Variants in CAPN2 observed in about 807,000 individuals in gnomAD.
The protein encoded by CAPN2 is calpain 2.
Under a neutral mutation model 102.3 loss-of-function variants are expected in CAPN2, and 92 were observed. The observed-to-expected ratio is 0.90, with a 90% CI of 0.76 to 1.07. The LOEUF (loss-of-function observed/expected upper bound fraction) is 1.07. Ranked by LOEUF, CAPN2 falls within the 50% of genes least tolerant of loss-of-function variation. The pLI is 0.00. For missense variants in CAPN2, 800 were observed against 909.4 expected, an observed-to-expected ratio of 0.88 and a Z score of 1.55; for synonymous variants, 340 against 355.4, an observed-to-expected ratio of 0.96 and a Z score of 0.49.
chr1:223,740,160 A>G (rs1660577087), intron 2 of CAPN2, among the ~76,000 whole-genome samples: 1 of 152,076 alleles, frequency 6.6e-6, no homozygotes, highest in African/African-American at 2.4e-5. Context: ...GTTGGGAGGA[A>G]CCCTCTTGTG....
chr1:223,712,464 G>T, upstream of CAPN2: 1 of 1,145,816 alleles, frequency 8.7e-7, no homozygotes, highest in Non-Finnish European at 1.1e-6. Flanking sequence ...AGCAGGCCGG[G>T]AGCGGCTGAG....
intron 2 of CAPN2, among the ~76,000 whole-genome samples, chr1:223,743,540 G>A (rs1393444646): frequency 6.6e-6 from 1 of 152,152 alleles, no homozygotes; most frequent in Non-Finnish European, 1.5e-5. Context: ...TGCCCAGGCT[G>A]GAGTGCAGTG....
At chr1:223,770,614 T>C in intron 18 of CAPN2, 89 bp downstream of exon 18, 1 of 865,190 alleles carries the variant, frequency 1.2e-6, no homozygotes, top group Non-Finnish European at 1.9e-6. Context: ...ACACAAGATT[T>C]GGTAAAGCTA....
rs760291784 is a variant in CAPN2, at chr1:223,712,756, G to A, written c.116G>A (p.Cys39Tyr). Residue 39 changes from cysteine (C) to tyrosine (Y), a missense_variant, in exon 1 of 21, where the codon TGC becomes TAC. Transcript: ENST00000295006. ...NQDYEALRNE[C>Y]LEAGTLFQDP... Reference sequence around the variant, plus strand: ...GACTACGAGGCGCTGCGGAACGAGTGCCTGGAGGCCGGGACGCTCTTCCAG... The same window carrying A: ...GACTACGAGGCGCTGCGGAACGAGTACCTGGAGGCCGGGACGCTCTTCCAG... 5.1e-6 allele frequency: 8 copies of A among 1,582,254 alleles called. 1 individual carries two copies. In the South Asian group the frequency reaches 9.2e-5, roughly 18 times the overall value.
chr1:223,760,498 C>T (rs1052432707), intron 12 of CAPN2, among the ~76,000 whole-genome samples: 16 of 152,200 alleles, frequency 1.1e-4, no homozygotes, highest in African/African-American at 3.9e-4. Flanking sequence ...ACGGCTGTAG[C>T]CCCCCTGCCA....
rs1372281429 is a variant in CAPN2, at chr1:223,737,730, C to A, written c.308-6370C>A. 8.3e-4 allele frequency among the ~76,000 whole-genome samples: 76 copies of A among 91,990 alleles called. 1 individual carries two copies. Among genetic ancestry groups the A allele is most frequent in the Admixed American group, 1.3e-3 (10 of 7,724 alleles). The allele number at this position is 91,990 out of a possible 152,430, so 60.3% of individuals were successfully genotyped here. On this transcript the variant is annotated intron_variant, in intron 2 of 20. Transcript: ENST00000295006. ...GGCGGGGGGTGGGGGGGAGAGAATACAATAACACCATGTACTGTAAAGAAA... is the reference window on the plus strand; with the variant it reads ...GGCGGGGGGTGGGGGGGAGAGAATAAAATAACACCATGTACTGTAAAGAAA...
chr1:223,746,133 AG>A (rs1660744312), intron 4 of CAPN2, among the ~76,000 whole-genome samples: 1 of 152,182 alleles, frequency 6.6e-6, no homozygotes, highest in African/African-American at 2.4e-5. Flanking sequence ...TAGAGCAGCA[AG>A]TGGATTTCTG....
intron 15 of CAPN2, among the ~76,000 whole-genome samples, chr1:223,765,690 G>A (rs115133827): frequency 0.013 from 1,845 of 142,260 alleles, 38 homozygotes; most frequent in African/African-American, 0.048. Flanking sequence ...ACAGCTGCTG[G>A]GCCAGAGCCT....
intron 7 of CAPN2, 107 bp from the exon 8 acceptor site, chr1:223,751,889 GA>G: frequency 1.4e-6 from 1 of 713,208 alleles, no homozygotes; most frequent in Non-Finnish European, 2.4e-6. Flanking sequence ...CCCCTTTCTG[GA>G]GCCTGAGCCC....
At chr1:223,735,461 G>A in intron 2 of CAPN2, among the ~76,000 whole-genome samples, 1 of 151,364 alleles carries the variant, frequency 6.6e-6, no homozygotes, top group East Asian at 2.0e-4. Flanking sequence ...CCAGGAAGCA[G>A]AGGTTGCAGT....
intron 12 of CAPN2, among the ~76,000 whole-genome samples, chr1:223,760,182 A>G (rs751114038): frequency 2.0e-5 from 3 of 152,182 alleles, no homozygotes; most frequent in Non-Finnish European, 4.4e-5. Context: ...TCCAGAACTG[A>G]TGGGAGGTAG....
intron 1 of CAPN2, among the ~76,000 whole-genome samples, chr1:223,714,621 T>TAAAAAAAAAAA (rs373544472): frequency 3.1e-5 from 4 of 130,966 alleles, no homozygotes; most frequent in African/African-American, 8.8e-5. Flanking sequence ...TATAAAAAAG[T>TAAAAAAAAAAA]AAAAAAAAAA....
At chr1:223,720,706 A>G (rs1660028493) in intron 2 of CAPN2, among the ~76,000 whole-genome samples, 1 of 152,058 alleles carries the variant, frequency 6.6e-6, no homozygotes. Flanking sequence ...TTTTTTCACT[A>G]CAGTATTTCA....
intron 5 of CAPN2, among the ~76,000 whole-genome samples, chr1:223,748,388 G>A (rs564854349): frequency 5.3e-5 from 8 of 152,210 alleles, no homozygotes; most frequent in African/African-American, 1.7e-4. Context: ...AGCAGAACAC[G>A]TTGAGGCAGA....
At position 223,775,187 on chromosome 1, in the gene CAPN2, TG is replaced by T. The variant is rs757052782; in HGVS notation, c.*331del. On this transcript the variant is annotated 3_prime_UTR_variant, in exon 21 of 21. Transcript: ENST00000295006. Reference sequence around the variant, plus strand: ...GCAATATTAAATCAGGAAAAAAAAATGCAGGGAGGTATTTAACAGCTGAGCA... The same window carrying T: ...GCAATATTAAATCAGGAAAAAAAAATCAGGGAGGTATTTAACAGCTGAGCA... 285 of 238,466 alleles carry T rather than the reference TG, an allele frequency of 1.2e-3. 1 individual carries two copies. Among genetic ancestry groups the T allele is most frequent in the East Asian group, 2.7e-3 (31 of 11,336 alleles). 14.8% of individuals were successfully genotyped at this position (238,466 alleles called of 1,614,324 possible).
At chr1:223,728,992 T>G (rs1425995109) in intron 2 of CAPN2, among the ~76,000 whole-genome samples, 8 of 152,194 alleles carry the variant, frequency 5.3e-5, no homozygotes, top group Non-Finnish European at 5.9e-5. Flanking sequence ...CTATACAAGG[T>G]TCTTCCCTTT....
chr1:223,750,985 G>A lies in CAPN2; in HGVS notation c.899+10G>A, dbSNP rs981052731. ...GGCGGTGGAATGACAAGTGAGGAGG[G>A]CGCAGGCCTCGGGGCCCCAGGCGGG... On this transcript the variant is annotated intron_variant, in intron 7 of 20. Coordinates refer to ENST00000295006, the MANE Select transcript of CAPN2 (RefSeq NM_001748.5). 13 of 1,551,136 alleles carry A rather than the reference G, an allele frequency of 8.4e-6. No homozygotes were observed. The highest frequency in any genetic ancestry group is 1.0e-5 in the Non-Finnish European group (12 of 1,146,542).
rs775717168 is a variant in CAPN2 at position 223,759,277 on chromosome 1, G to A, written c.1325G>A (p.Gly442Glu). The A allele has an allele frequency of 1.7e-5, 28 of 1,613,910 alleles. No individual in the cohort carries two copies. Among genetic ancestry groups the A allele is most frequent in the Admixed American group, 5.0e-5 (3 of 60,000 alleles). ...TCTCTATTTATTCCTCAGTTAAGTG[G>A]GCAGACCAACATCCACCTCAGCAAA... ...GIYEVPEELS[G>E]QTNIHLSKNF... The change falls in exon 12 of 21, where the codon GGG becomes GAG. Residue 442 changes from glycine (G) to glutamate (E), a missense_variant. By Grantham distance (98) the Gly-to-Glu change is moderately conservative. Transcript: ENST00000295006. This position sits in a 1 kb window ranked among gnomAD's most constrained non-coding sequence, Gnocchi z 4.6.
At chr1:223,710,749 C>T (rs956832352), upstream of CAPN2, among the ~76,000 whole-genome samples, 9 of 152,322 alleles carry the variant, frequency 5.9e-5, no homozygotes, top group African/African-American at 2.2e-4. Context: ...TTTAGACAAA[C>T]TCAACCAATT....
Sources: gnomAD v4.1 joint callset for allele counts (sites outside exome capture counted in the v4.1 genomes callset) on GRCh38, gnomAD v4.1.1 for gene constraint, Gnocchi (gnomAD v3.1) non-coding constraint, MANE v1.5 for transcripts, NCBI Gene and HGNC (gene_info 2026-07-23, HGNC 2026-07-21) for gene names.